The following NEK3 variants were observed in gnomAD, a reference collection of about 807,000 sequenced individuals.
NEK3 encodes the protein NIMA related kinase 3.
Under a neutral mutation model 66.0 loss-of-function variants are expected in NEK3, and 54 were observed. The observed-to-expected ratio is 0.82, with a 90% CI of 0.66 to 1.03. NEK3 has a LOEUF of 1.03. NEK3 is among the 50% of genes least tolerant of loss of function. The pLI is 0.00. For missense variants in NEK3, 593 were observed against 603.0 expected (o/e 0.98, Z 0.17); for synonymous variants, 200 against 206.2 (o/e 0.97, Z 0.26).
intron 1 of NEK3, among the ~76,000 whole-genome samples, chr13:52,158,176 C>T (rs1211006228): frequency 6.6e-6 from 1 of 152,194 alleles, no homozygotes; most frequent in Non-Finnish European, 1.5e-5. Flanking sequence ...CCCGTCCGGC[C>T]CTAGTGTTCG....
At chr13:52,159,479 G>A (rs1267520501) in intron 1 of NEK3, 64 bp downstream of exon 1, 2 of 152,496 alleles carry the variant, frequency 1.3e-5, no homozygotes, top group Non-Finnish European at 2.9e-5. Context: ...ACTCGGCTCC[G>A]CGCCGCGACC....
intron 10 of NEK3, among the ~76,000 whole-genome samples, chr13:52,142,064 G>A (rs924344435): frequency 1.3e-5 from 2 of 151,540 alleles, no homozygotes. Flanking sequence ...TCCAGCCTGG[G>A]AGACACAGTG....
In NEK3 at chr13:52,159,540, C is replaced by T. The variant is rs1956427199; in HGVS notation, c.-58+3G>A. ...GCAGCCCGCCAGGGCGGGGACCACTCACCCGCTTCCCCGGCGACCCTAGTC... is the reference window on the plus strand; with the variant it reads ...GCAGCCCGCCAGGGCGGGGACCACTTACCCGCTTCCCCGGCGACCCTAGTC... On this transcript the variant is annotated splice_donor_region_variant and intron_variant, in intron 1 of 15. Coordinates refer to ENST00000610828, the MANE Select transcript of NEK3 (RefSeq NM_002498.3). 6.6e-6 allele frequency: 1 copy of T among 152,344 alleles called. No individual in the cohort carries two copies. The highest frequency in any genetic ancestry group is 6.5e-5 in the Admixed American group (1 of 15,298). 9.4% of individuals were successfully genotyped at this position (152,344 alleles called of 1,614,324 possible).
rs1956356177 is a variant in NEK3, at chr13:52,152,515, TAAACA to T, written c.393+89_393+93del. 4 of 676,778 alleles carry T rather than the reference TAAACA, an allele frequency of 5.9e-6. No individual in the cohort carries two copies. The South Asian group carries it at 1.0e-4, about 17-fold the overall frequency. 41.9% of individuals were successfully genotyped at this position (676,778 alleles called of 1,614,324 possible). A position where few individuals can be genotyped will look rare whatever the true frequency, so the allele number is the denominator to read the frequency against. ...ATTAGGCTGACAAATATTTCTAAAC[TAAACA>T]AAACTGTCCCAAAATGCATGGCATA... On this transcript the variant is annotated intron_variant, in intron 5 of 15. Transcript: ENST00000610828.
At chr13:52,135,174 T>C (rs1431390552) in intron 14 of NEK3, among the ~76,000 whole-genome samples, 1 of 152,178 alleles carries the variant, frequency 6.6e-6, no homozygotes, top group Non-Finnish European at 1.5e-5. Flanking sequence ...AAAAAAATTA[T>C]TTTATACAAT....
chr13:52,134,225 A>G (rs1479284561), intron 14 of NEK3, among the ~76,000 whole-genome samples: 3 of 151,946 alleles, frequency 2.0e-5, no homozygotes, highest in East Asian at 3.9e-4. Flanking sequence ...AGGTCTCGCT[A>G]TGTTGTTCAG....
intron 11 of NEK3, among the ~76,000 whole-genome samples, chr13:52,138,760 T>A (rs1956225071): frequency 6.6e-6 from 1 of 152,076 alleles, no homozygotes; most frequent in Non-Finnish European, 1.5e-5. Flanking sequence ...TGAGACCTCA[T>A]CTCTATAAAA....
chr13:52,135,169 AAT>A (rs1376675948), intron 14 of NEK3, among the ~76,000 whole-genome samples: 2 of 152,192 alleles, frequency 1.3e-5, no homozygotes, highest in Non-Finnish European at 2.9e-5. Flanking sequence ...ATTATAAAAA[AAT>A]TATTTTATAC....
At chr13:52,138,261 A>T (rs147403909) in intron 11 of NEK3, among the ~76,000 whole-genome samples, 1 of 152,312 alleles carries the variant, frequency 6.6e-6, no homozygotes, top group African/African-American at 2.4e-5. Flanking sequence ...GCCTCAATCA[A>T]TGCTCCTGCC....
At chr13:52,139,471 T>G (rs1386393729) in intron 11 of NEK3, among the ~76,000 whole-genome samples, 1 of 152,118 alleles carries the variant, frequency 6.6e-6, no homozygotes, top group Non-Finnish European at 1.5e-5. Flanking sequence ...CTGTTTGGGA[T>G]GATAAAAAGT....
At chr13:52,154,552 GA>G (rs368821193) in intron 2 of NEK3, among the ~76,000 whole-genome samples, 6 of 142,920 alleles carry the variant, frequency 4.2e-5, no homozygotes, top group Admixed American at 7.0e-5. Context: ...TATCCTAAAA[GA>G]AAAAAAAAAG....
rs1218176705 is a variant in NEK3, at chr13:52,133,794, C to T, written c.1331G>A (p.Gly444Asp). 1 of 1,599,044 alleles carries T rather than the reference C, an allele frequency of 6.3e-7. No individual in the cohort carries two copies. The highest frequency in any genetic ancestry group is 1.3e-5 in the African/African-American group (1 of 74,698). Residue 444 changes from glycine to aspartate, a missense_variant, in exon 15 of 16, where the codon GGC (glycine) becomes GAC (aspartate). By Grantham distance (94) the Gly-to-Asp change is moderately conservative. Transcript: ENST00000610828. ...TGCTTCTGTTTCTTCAGACAGGGGGCCTTTCAAGAACCCTTCTGAACCTTC... is the reference window on the plus strand; with the variant it reads ...TGCTTCTGTTTCTTCAGACAGGGGGTCTTTCAAGAACCCTTCTGAACCTTC... ...YRPGSEGFLK[G>D]PLSEETEASD...
At chr13:52,137,946 A>G (rs923644149) in intron 11 of NEK3, among the ~76,000 whole-genome samples, 7 of 152,212 alleles carry the variant, frequency 4.6e-5, no homozygotes, top group Non-Finnish European at 2.9e-5. Context: ...TGCTGTGTTC[A>G]CTACAGGTGG....
intron 12 of NEK3, among the ~76,000 whole-genome samples, chr13:52,136,580 G>A (rs1365706738): frequency 6.6e-6 from 1 of 151,984 alleles, no homozygotes; most frequent in Non-Finnish European, 1.5e-5. Context: ...ATGGTGGATA[G>A]CACAATAAAT....
In NEK3 at chr13:52,144,886, C is replaced by A; in HGVS notation, c.609G>T (p.Gln203His). 6.3e-7 allele frequency: 1 copy of A among 1,593,972 alleles called. No homozygotes were observed. The highest frequency in any genetic ancestry group is 1.1e-5 in the South Asian group (1 of 87,940). The stretch of plus-strand genomic sequence containing the variant: ...GGATAAGATTTTTCCAACTATTTGC[C>A]TGAAACTGAAAAGGAAAATTGAACT... ...YELCTLKHPFQANSWKNLILK... is the reference protein window; with the variant it reads ...YELCTLKHPFHANSWKNLILK... Residue 203 changes from glutamine to histidine, a missense_variant, in exon 9 of 16, where the codon CAG becomes CAT. By Grantham distance (24) the Gln-to-His change is conservative (BLOSUM62 0). Coordinates refer to ENST00000610828, the MANE Select transcript of NEK3 (RefSeq NM_002498.3).
intron 10 of NEK3, among the ~76,000 whole-genome samples, chr13:52,143,666 A>G (rs1374673774): frequency 6.6e-6 from 1 of 152,206 alleles, no homozygotes; most frequent in Non-Finnish European, 1.5e-5. Context: ...GAAAATATGG[A>G]ACTAATAATG....
At position 52,133,328 on chromosome 13, in the gene NEK3, A is replaced by C. The variant is rs2138185327; in HGVS notation, c.1437-102T>G. On this transcript the variant is annotated intron_variant, in intron 15 of 15. Transcript: ENST00000610828. The stretch of plus-strand genomic sequence containing the variant: ...CACCATAACAATACTTAAGCTTTTG[A>C]AAATTGAGTTCCATAAGGCAACTGA... 3 of 986,916 alleles carry C rather than the reference A, an allele frequency of 3.0e-6. No individual in the cohort carries two copies. The East Asian group carries it at 7.9e-5, about 26-fold the overall frequency. The allele number at this position is 986,916 out of a possible 1,614,324, so 61.1% of individuals were successfully genotyped here.
At chr13:52,133,497 T>A (rs1364024254) in intron 15 of NEK3, among the ~76,000 whole-genome samples, 192 bp downstream of exon 15, 2 of 152,050 alleles carry the variant, frequency 1.3e-5, no homozygotes, top group African/African-American at 4.8e-5. Flanking sequence ...AATTTTATAA[T>A]CATATTGTAA....
intron 10 of NEK3, among the ~76,000 whole-genome samples, chr13:52,142,933 G>T (rs1429600834): frequency 6.6e-6 from 1 of 152,164 alleles, no homozygotes; most frequent in African/African-American, 2.4e-5. Flanking sequence ...AATTAAATTT[G>T]ATATTTTCTC....
Sources: allele counts gnomAD v4.1 joint callset (sites outside exome capture counted in the v4.1 genomes callset), GRCh38; gene constraint gnomAD v4.1.1; transcripts MANE v1.5; gene names NCBI Gene and HGNC (gene_info 2026-07-23, HGNC 2026-07-21).